The following CNTNAP2 variants were observed in gnomAD, a reference collection of about 807,000 sequenced individuals.
The protein encoded by CNTNAP2 is contactin associated protein 2.
In CNTNAP2, 98 loss-of-function variants were observed where a neutral mutation model predicts 155.2. The ratio of observed to expected loss-of-function variants is 0.63; its 90% CI spans 0.54 to 0.75. The LOEUF is 0.75. CNTNAP2 is among the 30% of genes least tolerant of loss of function. The pLI is 0.00. For synonymous variants in CNTNAP2, 651 were observed against 631.2 expected, an observed-to-expected ratio of 1.03 and a Z score of -0.47; for missense variants, 1,727 against 1,688.1, an observed-to-expected ratio of 1.02 and a Z score of -0.40.
intron 13 of CNTNAP2, among the ~76,000 whole-genome samples, chr7:147,833,428 T>C (rs549812416): frequency 2.0e-5 from 3 of 152,192 alleles, no homozygotes; most frequent in Non-Finnish European, 2.9e-5. Flanking sequence ...ATCAGGAAAA[T>C]AGAACCTTCC....
In CNTNAP2 at chr7:148,047,640, A is replaced by G. The variant is rs114076759; in HGVS notation, c.2383+69651A>G. 6.1e-3 allele frequency among the ~76,000 whole-genome samples: 936 copies of G among 152,296 alleles called. 8 individuals carry two copies. Among genetic ancestry groups the G allele is most frequent in the African/African-American group, 0.022 (895 of 41,570 alleles). On this transcript the variant is annotated intron_variant, in intron 15 of 23. Transcript: ENST00000361727. ...ATGAGCTAAAAGAAGGCAGGGCATC[A>G]CCTTGTTCTACATCAGTAGGGATCA... is the stretch of plus-strand genomic sequence containing the variant.
intron 18 of CNTNAP2, chr7:148,190,970 A>G (rs920635046): frequency 2.0e-5 from 3 of 152,256 alleles, no homozygotes; most frequent in African/African-American, 7.2e-5. Flanking sequence ...AAGATTCCAG[A>G]TTCCAGACCT....
chr7:147,981,818 G>GTGTGTGTGTGTGTGTGGT (rs1801536071), intron 15 of CNTNAP2, among the ~76,000 whole-genome samples: 1 of 124,220 alleles, frequency 8.1e-6, no homozygotes, highest in Non-Finnish European at 1.7e-5. Context: ...TGTGTGTGTG[G>GTGTGTGTGTGTGTGTGGT]TTTTTTTTTT....
intron 18 of CNTNAP2, among the ~76,000 whole-genome samples, chr7:148,176,789 G>T (rs1794945870): frequency 1.3e-5 from 2 of 152,152 alleles, no homozygotes; most frequent in Admixed American, 1.3e-4. Flanking sequence ...TTCCAATGCA[G>T]AATTCCTTGG....
chr7:147,835,290 G>A (rs551429145), intron 13 of CNTNAP2, among the ~76,000 whole-genome samples: 13 of 152,314 alleles, frequency 8.5e-5, no homozygotes, highest in African/African-American at 2.6e-4. Flanking sequence ...GCCATGAATC[G>A]AGTGATGAAG....
intron 3 of CNTNAP2, among the ~76,000 whole-genome samples, chr7:146,935,458 C>T (rs192781198): frequency 3.3e-5 from 5 of 152,272 alleles, no homozygotes; most frequent in African/African-American, 1.2e-4. Flanking sequence ...TGGTTCACTC[C>T]CTTTGACCCA....
intron 1 of CNTNAP2, among the ~76,000 whole-genome samples, chr7:146,708,189 T>A (rs965193710): frequency 6.6e-6 from 1 of 152,192 alleles, no homozygotes; most frequent in African/African-American, 2.4e-5. Flanking sequence ...TTATTAATTT[T>A]GACAACTGTG....
At chr7:147,771,679 T>C (rs1312942409) in intron 13 of CNTNAP2, among the ~76,000 whole-genome samples, 3 of 152,310 alleles carry the variant, frequency 2.0e-5, no homozygotes, top group South Asian at 2.1e-4. Flanking sequence ...TTTTTCTTTG[T>C]GTCTTCATAT....
At chr7:146,745,463 G>A (rs372593349) in intron 1 of CNTNAP2, among the ~76,000 whole-genome samples, 10 of 152,070 alleles carry the variant, frequency 6.6e-5, no homozygotes, top group African/African-American at 2.4e-4. Flanking sequence ...ATAAACAAAG[G>A]TATACTGACT....
chr7:147,589,990 C>T (rs1464141409), intron 12 of CNTNAP2, among the ~76,000 whole-genome samples: 3 of 152,092 alleles, frequency 2.0e-5, no homozygotes, highest in Non-Finnish European at 4.4e-5. Context: ...CTATGGGCCT[C>T]ATATGGTTTC....
chr7:147,147,635 T>C (rs2129288678), intron 8 of CNTNAP2, among the ~76,000 whole-genome samples: 1 of 152,220 alleles, frequency 6.6e-6, no homozygotes, highest in Middle Eastern at 3.4e-3. Context: ...CTTTCAGTAG[T>C]CAGCTTAGAA....
chr7:147,782,301 A>G (rs560291675), intron 13 of CNTNAP2, among the ~76,000 whole-genome samples: 7 of 152,382 alleles, frequency 4.6e-5, no homozygotes, highest in African/African-American at 1.7e-4. Context: ...GCAAAGCACA[A>G]GCGTGCTAAC....
chr7:146,352,750 G>GTTTCTTTTTTTTTTTTT (rs1794934502), intron 1 of CNTNAP2, among the ~76,000 whole-genome samples: 1 of 64,338 alleles, frequency 1.6e-5, no homozygotes, highest in African/African-American at 6.4e-5. Context: ...GCATAATTCT[G>GTTTCTTTTTTTTTTTTT]TTTTTTTTTT....
intron 1 of CNTNAP2, among the ~76,000 whole-genome samples, chr7:146,657,414 GTT>G (rs1356561886): frequency 6.6e-6 from 1 of 152,130 alleles, no homozygotes; most frequent in Non-Finnish European, 1.5e-5. Context: ...AAAGGCCTGG[GTT>G]TTCTTTCTTT....
At chr7:147,582,634 TTATC>T (rs1800525229) in intron 12 of CNTNAP2, among the ~76,000 whole-genome samples, 1 of 152,174 alleles carries the variant, frequency 6.6e-6, no homozygotes, top group African/African-American at 2.4e-5. Flanking sequence ...CAATAGTGAT[TTATC>T]TATCCTAATT....
At chr7:147,786,372 G>A (rs571742643) in intron 13 of CNTNAP2, among the ~76,000 whole-genome samples, 2 of 152,338 alleles carry the variant, frequency 1.3e-5, no homozygotes, top group South Asian at 4.1e-4. Context: ...GTGAGGAGGG[G>A]GTCTGGGAGG....
At position 146,846,059 on chromosome 7, in the gene CNTNAP2, G is replaced by T. The variant is rs529318302; in HGVS notation, c.402+6155G>T. Among the ~76,000 whole-genome samples the T allele has an allele frequency of 7.4e-4, 113 of 152,258 alleles. 1 individual carries two copies. The highest frequency in any genetic ancestry group is 1.2e-3 in the South Asian group (6 of 4,828). Reference sequence around the variant, plus strand: ...CTGTTACAGTTCAATGGTGTACTTAGATTCTTTCAAAATATCTAGAATTTT... The same window carrying T: ...CTGTTACAGTTCAATGGTGTACTTATATTCTTTCAAAATATCTAGAATTTT... On this transcript the variant is annotated intron_variant, in intron 3 of 23. Coordinates refer to ENST00000361727, the MANE Select transcript of CNTNAP2 (RefSeq NM_014141.6).
intron 8 of CNTNAP2, among the ~76,000 whole-genome samples, chr7:147,294,172 G>A (rs1044159798): frequency 6.6e-5 from 10 of 152,216 alleles, no homozygotes; most frequent in African/African-American, 1.9e-4. Context: ...CAAATATAAG[G>A]CAATTCTCCA....
chr7:146,451,493 T>A (rs1450839357), intron 1 of CNTNAP2, among the ~76,000 whole-genome samples: 1 of 152,180 alleles, frequency 6.6e-6, no homozygotes, highest in East Asian at 1.9e-4. Flanking sequence ...TCCATGGGGA[T>A]GCGACCTATG....
Sources: gnomAD v4.1 joint callset for allele counts (sites outside exome capture counted in the v4.1 genomes callset) on GRCh38, gnomAD v4.1.1 for gene constraint, MANE v1.5 for transcripts, NCBI Gene and HGNC (gene_info 2026-07-23, HGNC 2026-07-21) for gene names.